WNK2: variants seen among roughly 807,000 people sequenced by gnomAD.
WNK2 encodes the protein WNK lysine deficient protein kinase 2, also known as serine/threonine-protein kinase WNK2.
In WNK2, 67 loss-of-function variants were observed where a neutral mutation model predicts 192.1. That is an observed-to-expected ratio of 0.35 (90% CI 0.29 to 0.43). The LOEUF (loss-of-function observed/expected upper bound fraction) is 0.43, where lower values mean the gene tolerates loss of function less well. Among genes scored for constraint, WNK2 ranks in the 20% least tolerant of loss-of-function variants. The probability of loss-of-function intolerance (pLI) is 1.00; values close to 1 mark genes in which losing one functional copy is unlikely to be tolerated. For missense variants in WNK2, 2,698 were observed against 3,089.7 expected, an observed-to-expected ratio of 0.87 and a Z score of 3.01; for synonymous variants, 1,439 against 1,393.9, an observed-to-expected ratio of 1.03 and a Z score of -0.72.
In WNK2 at chr9:93,292,806, A is replaced by T; in HGVS notation, c.5341A>T (p.Ser1781Cys). 2 of 1,537,844 alleles carry T rather than the reference A, an allele frequency of 1.3e-6. No homozygotes were observed. The highest frequency in any genetic ancestry group is 1.7e-4 in the Middle Eastern group (1 of 5,842). Residue 1781 changes from serine to cysteine, a missense_variant, in exon 23 of 30, where the codon AGC (serine) becomes TGC (cysteine). Physicochemically the swap from Ser to Cys is moderately radical, Grantham distance 112 (BLOSUM62 -1). Around this residue, in one of 7 missense-constraint regions of WNK2, gnomAD observed 1,098 missense variants for 1,101.0 expected, o/e 1.00. Coordinates refer to ENST00000427277, the MANE Select transcript of WNK2 (RefSeq NM_006648.4). ...CGTCTACCTGGACGAGGCCCCCTCC[A>T]GCCCCGACGTGAAGCTGGCAGTGCG... ...PDVYLDEAPS[S>C]PDVKLAVRRA...
chr9:93,217,107 C>T (rs1835884084), intron 2 of WNK2, among the ~76,000 whole-genome samples: 1 of 152,036 alleles, frequency 6.6e-6, no homozygotes, highest in African/African-American at 2.4e-5. Flanking sequence ...TACAGACGTG[C>T]ACCACCACGC....
intron 16 of WNK2, 139 bp from the exon 17 acceptor site, chr9:93,267,607 C>T: frequency 1.0e-6 from 1 of 1,003,490 alleles, no homozygotes. Flanking sequence ...AGCTGTCCAG[C>T]CCCTGTCTTG....
chr9:93,300,243 T>C (rs1851357553), intron 26 of WNK2, 94 bp downstream of exon 26: 12 of 966,418 alleles, frequency 1.2e-5, no homozygotes, highest in Non-Finnish European at 1.9e-5. Context: ...ATACATTTCA[T>C]AGGATGCCTC....
At chr9:93,252,654 G>A (rs1842748590) in intron 8 of WNK2, among the ~76,000 whole-genome samples, 1 of 152,220 alleles carries the variant, frequency 6.6e-6, no homozygotes. Context: ...CGATGTACCC[G>A]CCCTGACATC....
intron 8 of WNK2, among the ~76,000 whole-genome samples, chr9:93,249,932 T>TTTTC (rs1842311362): frequency 6.9e-6 from 1 of 145,444 alleles, no homozygotes; most frequent in Non-Finnish European, 1.5e-5. Flanking sequence ...TTTTTTTTTT[T>TTTTC]TAAAGACAGT....
At position 93,238,336 on chromosome 9, in the gene WNK2, A is replaced by G. The variant is rs766446204; in HGVS notation, c.1322+15A>G. On this transcript the variant is annotated intron_variant, in intron 6 of 29. Transcript: ENST00000427277. ...AAGGAGGAAAGGTGAGTTCCCCTGA[A>G]GGGCTGGGTTCTGGGGTCCATCTCC... The G allele has an allele frequency of 6.8e-6, 11 of 1,611,964 alleles. No homozygotes were observed. The highest frequency in any genetic ancestry group is 9.3e-6 in the Non-Finnish European group (11 of 1,178,100).
chr9:93,308,200 G>T, intron 27 of WNK2, 128 bp from the exon 28 acceptor site: 1 of 1,445,992 alleles, frequency 6.9e-7, no homozygotes, highest in Non-Finnish European at 9.1e-7. Flanking sequence ...GCCTCTTGAA[G>T]CAAGGTGCTG....
rs1487328597 is a variant in WNK2 at position 93,185,469 on chromosome 9, G to A, written c.540G>A (p.Glu180=). 6.2e-7 allele frequency: 1 copy of A among 1,612,616 alleles called. No homozygotes were observed. The highest frequency in any genetic ancestry group is 1.3e-5 in the African/African-American group (1 of 74,946). The change falls in exon 2 of 30, where the codon GAG becomes GAA. Residue 180 remains glutamate (E), a synonymous_variant. Transcript: ENST00000427277. ...RDEPEEEEDD[E]DDLKAVATSL... ...AGCCCGAAGAGGAGGAGGACGACGA[G>A]GACGACCTCAAGGCCGTGGCCACCT...
chr9:93,210,519 G>A (rs79917812), intron 2 of WNK2, among the ~76,000 whole-genome samples: 5,316 of 152,174 alleles, frequency 0.035, 303 homozygotes, highest in African/African-American at 0.12. Flanking sequence ...TCCTGTGCGC[G>A]TGGGTGCTGG....
rs549080251 is a variant in WNK2 at position 93,229,457 on chromosome 9, G to A, written c.682-239G>A. ...CCGTGTGGATTTGCGAGACCTCTTC[G>A]GCTTCCTAGGATGTCTTTTTGCTGA... On this transcript the variant is annotated intron_variant, in intron 2 of 29. Coordinates refer to ENST00000427277, the MANE Select transcript of WNK2 (RefSeq NM_006648.4). The surrounding 1 kb of genome is among the most constrained non-coding windows in gnomAD (Gnocchi z 4.9). Among the ~76,000 whole-genome samples, 5 of 152,158 alleles carry A rather than the reference G, an allele frequency of 3.3e-5. No homozygotes were observed. Among genetic ancestry groups the A allele is most frequent in the East Asian group, 1.9e-4 (1 of 5,188 alleles).
chr9:93,304,791 C>T (rs1444850658), intron 26 of WNK2, among the ~76,000 whole-genome samples: 2 of 152,204 alleles, frequency 1.3e-5, no homozygotes, highest in African/African-American at 4.8e-5. Context: ...CTGCCCCAGC[C>T]CAGTTGTCTG....
At chr9:93,268,975 C>T (rs980867657) in intron 19 of WNK2, 8 of 1,546,408 alleles carry the variant, frequency 5.2e-6, no homozygotes, top group Non-Finnish European at 7.0e-6. Flanking sequence ...TGTTACCCCA[C>T]CAAGTAGGTG....
intron 16 of WNK2, among the ~76,000 whole-genome samples, chr9:93,266,757 G>A (rs1845234598): frequency 6.6e-6 from 1 of 152,240 alleles, no homozygotes; most frequent in Admixed American, 6.5e-5. Context: ...GCGCAGAGGA[G>A]CTCTGCTTTT....
At chr9:93,214,618 A>T (rs2131623175) in intron 2 of WNK2, among the ~76,000 whole-genome samples, 1 of 148,218 alleles carries the variant, frequency 6.7e-6, no homozygotes, top group East Asian at 2.0e-4. Flanking sequence ...CATCACTTTG[A>T]GATGTTATTG....
At chr9:93,196,907 A>AACAGC (rs1215775988) in intron 2 of WNK2, among the ~76,000 whole-genome samples, 1 of 152,050 alleles carries the variant, frequency 6.6e-6, no homozygotes, top group East Asian at 1.9e-4. Flanking sequence ...GCCTGCAGAG[A>AACAGC]ACAGCACAGC....
rs777777466 is a variant in WNK2 at position 93,292,363 on chromosome 9, C to T, written c.4992C>T (p.Ala1664=). 1.9e-6 allele frequency: 3 copies of T among 1,613,866 alleles called. No individual in the cohort carries two copies. The highest frequency in any genetic ancestry group is 2.2e-5 in the South Asian group (2 of 91,088). Residue 1664 remains alanine (A), a synonymous_variant, in exon 22 of 30, where the codon GCC becomes GCT. Coordinates refer to ENST00000427277, the MANE Select transcript of WNK2 (RefSeq NM_006648.4). ...LGYDRDGRQV[A]SDSHVVPSVP... ...ATGACAGAGATGGAAGGCAGGTGGC[C>T]TCAGACTCCCATGTGGTCCCCAGCG...
chr9:93,190,651 C>CT (rs1830181337), intron 2 of WNK2, among the ~76,000 whole-genome samples: 1 of 152,264 alleles, frequency 6.6e-6, no homozygotes, highest in Non-Finnish European at 1.5e-5. Context: ...GCACTGGAAC[C>CT]TTCCGTGGTG....
Position 93,292,675 on chromosome 9 carries a change from A to G in WNK2, c.5210A>G (p.Asp1737Gly). 6.4e-7 allele frequency: 1 copy of G among 1,574,140 alleles called. No homozygotes were observed. The highest frequency in any genetic ancestry group is 1.2e-5 in the South Asian group (1 of 85,762). The change falls in exon 23 of 30, where the codon GAT (aspartate) becomes GGT (glycine). Residue 1737 changes from aspartate to glycine, a missense_variant. By Grantham distance (94) the Asp-to-Gly change is moderately conservative. This residue lies in a region of WNK2 where 1,098 missense variants were observed against 1,101.0 expected (regional missense o/e 1.00). Coordinates refer to ENST00000427277, the MANE Select transcript of WNK2 (RefSeq NM_006648.4). ...GSPRKRPEQQ[D>G]VSSPAKTVGR... Reference sequence around the variant, plus strand: ...CCTCGGAAACGTCCAGAGCAGCAGGATGTCAGCTCACCAGCCAAGACTGTG... The same window carrying G: ...CCTCGGAAACGTCCAGAGCAGCAGGGTGTCAGCTCACCAGCCAAGACTGTG...
intron 2 of WNK2, among the ~76,000 whole-genome samples, chr9:93,203,785 G>C (rs1471737495): frequency 6.6e-6 from 1 of 152,170 alleles, no homozygotes; most frequent in South Asian, 2.1e-4. Context: ...ATCTCGAACT[G>C]TGAGAGAATA....
Sources: allele counts gnomAD v4.1 joint callset (sites outside exome capture counted in the v4.1 genomes callset), GRCh38; gene constraint gnomAD v4.1.1; regional missense constraint gnomAD v4.1.1; non-coding constraint Gnocchi (gnomAD v3.1); transcripts MANE v1.5; gene names NCBI Gene and HGNC (gene_info 2026-07-23, HGNC 2026-07-21).